Variants in SP2 observed in about 807,000 individuals in gnomAD.
SP2 encodes the protein transcription factor Sp2.
Under a neutral mutation model 50.1 loss-of-function variants are expected in SP2, and 9 were observed. The ratio of observed to expected loss-of-function variants is 0.18; its 90% CI spans 0.11 to 0.31. The LOEUF is 0.31. Ranked by LOEUF, SP2 falls within the 10% of genes least tolerant of loss-of-function variation. The pLI, the probability that SP2 is intolerant of heterozygous loss-of-function variation, is 1.00. For synonymous variants in SP2, 313 were observed against 326.6 expected (o/e 0.96, Z 0.45); for missense variants, 581 against 806.5 (o/e 0.72, Z 3.39).
At chr17:47,908,588 C>G (rs2034854150) in intron 1 of SP2, 1 of 151,768 alleles carries the variant, frequency 6.6e-6, no homozygotes, top group African/African-American at 2.4e-5. Context: ...GAGTCTTGCT[C>G]TTGTCGCCCA....
chr17:47,921,439 A>T (rs2035454126), intron 3 of SP2, among the ~76,000 whole-genome samples: 1 of 152,052 alleles, frequency 6.6e-6, no homozygotes, highest in Non-Finnish European at 1.5e-5. Context: ...TTCAGTAGAG[A>T]CGGGGTTTCA....
chr17:47,912,362 C>A (rs1402722752), intron 1 of SP2, among the ~76,000 whole-genome samples: 1 of 152,076 alleles, frequency 6.6e-6, no homozygotes, highest in Non-Finnish European at 1.5e-5. Context: ...GTGTGGACTT[C>A]AGGCCTGGTA....
At chr17:47,925,186 C>A in intron 5 of SP2, 93 bp downstream of exon 5, 1 of 1,489,406 alleles carries the variant, frequency 6.7e-7, no homozygotes, top group Non-Finnish European at 9.0e-7. Context: ...TGGCACAGAC[C>A]AGGCAAGGAA....
downstream of SP2, among the ~76,000 whole-genome samples, chr17:47,929,299 C>T (rs866213030): frequency 2.4e-4 from 37 of 152,234 alleles, no homozygotes; most frequent in African/African-American, 8.7e-4. Flanking sequence ...CCACCCACCT[C>T]CCCAACCCCT....
At chr17:47,919,862 CAG>C (rs1279736604) in intron 3 of SP2, among the ~76,000 whole-genome samples, 1 of 54,752 alleles carries the variant, frequency 1.8e-5, no homozygotes, top group Non-Finnish European at 3.5e-5. Context: ...TTTTTTGAGA[CAG>C]GGTCTCGTTC....
chr17:47,917,856 A>G (rs769451212), intron 3 of SP2: 8 of 378,030 alleles, frequency 2.1e-5, no homozygotes, highest in South Asian at 1.5e-4. Context: ...ATGTGCTCTA[A>G]TACTCTGGAA....
At chr17:47,900,942 A>C (rs1476719688) in intron 1 of SP2, among the ~76,000 whole-genome samples, 1 of 152,162 alleles carries the variant, frequency 6.6e-6, no homozygotes, top group African/African-American at 2.4e-5. Context: ...TTTGACAAAA[A>C]AACTTGATGC....
chr17:47,915,058 AC>A (rs2035135308), intron 1 of SP2, among the ~76,000 whole-genome samples: 1 of 152,090 alleles, frequency 6.6e-6, no homozygotes, highest in South Asian at 2.1e-4. Flanking sequence ...TACTAAAAAT[AC>A]AAAAATTAGC....
chr17:47,915,032 G>T (rs921959205), intron 1 of SP2, among the ~76,000 whole-genome samples: 7 of 152,054 alleles, frequency 4.6e-5, no homozygotes, highest in Non-Finnish European at 8.8e-5. Context: ...GGACAACATT[G>T]TGAAACCTCT....
At chr17:47,911,506 CAA>C (rs71366807) in intron 1 of SP2, among the ~76,000 whole-genome samples, 19 of 69,022 alleles carry the variant, frequency 2.8e-4, no homozygotes, top group Admixed American at 3.4e-4. Context: ...GACTACATCT[CAA>C]AAAAAAAAAA....
chr17:47,918,517 C>G (rs536346433), intron 3 of SP2: 2 of 152,306 alleles, frequency 1.3e-5, no homozygotes, highest in East Asian at 3.9e-4. Flanking sequence ...CCCTCCCTTC[C>G]ATGAGGTCCC....
At chr17:47,902,908 A>G (rs2034600276) in intron 1 of SP2, among the ~76,000 whole-genome samples, 1 of 152,208 alleles carries the variant, frequency 6.6e-6, no homozygotes, top group African/African-American at 2.4e-5. Context: ...GGCGGGCACC[A>G]CCACGCCCGG....
intron 1 of SP2, among the ~76,000 whole-genome samples, chr17:47,911,967 A>G (rs1297905926): frequency 6.6e-6 from 1 of 152,206 alleles, no homozygotes; most frequent in East Asian, 1.9e-4. Context: ...GCTTAGCCCC[A>G]GACAAACTAG....
intron 1 of SP2, chr17:47,914,718 TATCTC>T (rs2035121933): frequency 6.6e-6 from 1 of 152,212 alleles, no homozygotes; most frequent in African/African-American, 2.4e-5. Context: ...ATTTTTGTGT[TATCTC>T]AGACTCTGTG....
chr17:47,927,208 G>A (rs1014881252), intron 6 of SP2, among the ~76,000 whole-genome samples: 2 of 152,080 alleles, frequency 1.3e-5, no homozygotes, highest in Non-Finnish European at 2.9e-5. Context: ...CAAATGGGGG[G>A]TCAGAGAGAA....
rs1191797770 is a variant in SP2 at position 47,923,102 on chromosome 17, G to A, written c.1200G>A (p.Lys400=). 2 of 1,614,128 alleles carry A rather than the reference G, an allele frequency of 1.2e-6. No individual in the cohort carries two copies. Among genetic ancestry groups the A allele is most frequent in the African/African-American group, 2.7e-5 (2 of 74,946 alleles). ...CCCATCTGAGTGGGACCAGCAAAAAGCACTCAGCTGCAATTCTCCGAAAAG... is the reference window on the plus strand; with the variant it reads ...CCCATCTGAGTGGGACCAGCAAAAAACACTCAGCTGCAATTCTCCGAAAAG... ...RAPHLSGTSK[K]HSAAILRKER... Residue 400 remains lysine, a synonymous_variant, in exon 4 of 7, where the codon AAG becomes AAA. Transcript: ENST00000376741.
At chr17:47,923,381 T>G in intron 4 of SP2, 107 bp downstream of exon 4, 1 of 907,044 alleles carries the variant, frequency 1.1e-6, no homozygotes, top group Non-Finnish European at 1.7e-6. Context: ...GAGGATGCTG[T>G]CCATCATAGC....
intron 1 of SP2, among the ~76,000 whole-genome samples, chr17:47,912,184 C>T (rs2035017965): frequency 6.6e-6 from 1 of 152,158 alleles, no homozygotes; most frequent in African/African-American, 2.4e-5. Flanking sequence ...CCTTCCTTTC[C>T]TCAGTAGTTA....
At chr17:47,897,982 T>C (rs2034405533) in intron 1 of SP2, 1 of 570,396 alleles carries the variant, frequency 1.8e-6, no homozygotes, top group South Asian at 7.5e-5. Flanking sequence ...TTAACCTCTT[T>C]GGTTAAAAGC....
Sources: allele counts gnomAD v4.1 joint callset (sites outside exome capture counted in the v4.1 genomes callset), GRCh38; gene constraint gnomAD v4.1.1; transcripts MANE v1.5; gene names NCBI Gene and HGNC (gene_info 2026-07-23, HGNC 2026-07-21).